Variants in CSMD1 observed in about 807,000 individuals in gnomAD.
CSMD1 encodes the protein CUB and Sushi multiple domains 1, also known as CUB and sushi domain-containing protein 1.
In CSMD1, 213 loss-of-function variants were observed where a neutral mutation model predicts 417.5. The ratio of observed to expected loss-of-function variants is 0.51; its 90% CI spans 0.46 to 0.57. CSMD1 has a LOEUF of 0.57. CSMD1 is among the 20% of genes least tolerant of loss of function. CSMD1 has a pLI of 0.00. For missense variants in CSMD1, 6,923 were observed against 4,529.7 expected, an observed-to-expected ratio of 1.53 and a Z score of -15.17; for synonymous variants, 2,862 against 1,736.8, an observed-to-expected ratio of 1.65 and a Z score of -16.11.
chr8:4,986,402 G>A (rs13269289), intron 1 of CSMD1, among the ~76,000 whole-genome samples: 33,453 of 152,004 alleles, frequency 0.22, 4,666 homozygotes, highest in Non-Finnish European at 0.32. Context: ...TAAAAAAGAA[G>A]AGGAGGAAAA....
intron 3 of CSMD1, among the ~76,000 whole-genome samples, chr8:4,264,385 C>A (rs1050729425): frequency 1.3e-5 from 2 of 152,134 alleles, no homozygotes; most frequent in Non-Finnish European, 2.9e-5. Flanking sequence ...GAAGATAATA[C>A]AAGAAACATC....
chr8:4,047,330 A>T (rs755026404), intron 3 of CSMD1, among the ~76,000 whole-genome samples: 3 of 152,160 alleles, frequency 2.0e-5, no homozygotes, highest in Non-Finnish European at 2.9e-5. Flanking sequence ...AAACAAAATG[A>T]TCTTCTACCC....
intron 2 of CSMD1, among the ~76,000 whole-genome samples, chr8:4,569,147 A>T (rs907404532): frequency 3.9e-5 from 6 of 152,128 alleles, no homozygotes; most frequent in African/African-American, 1.4e-4. Flanking sequence ...CTTTATTTCA[A>T]TTAGATTCCA....
At chr8:3,803,756 T>G (rs76292220) in intron 5 of CSMD1, among the ~76,000 whole-genome samples, 4,666 of 152,218 alleles carry the variant, frequency 0.031, 179 homozygotes, top group African/African-American at 0.085. Flanking sequence ...TTGATTAGGG[T>G]CCTGAAGTAA....
chr8:3,855,756 C>G (rs914240838), intron 5 of CSMD1, among the ~76,000 whole-genome samples: 3 of 152,130 alleles, frequency 2.0e-5, no homozygotes, highest in Non-Finnish European at 4.4e-5. Flanking sequence ...ATGTGAAATC[C>G]TAGAGTCTGC....
At chr8:3,761,166 T>C (rs987560652) in intron 5 of CSMD1, among the ~76,000 whole-genome samples, 2 of 152,280 alleles carry the variant, frequency 1.3e-5, no homozygotes, top group South Asian at 4.1e-4. Context: ...CTGTTCCAAG[T>C]CTTATTTTGG....
chr8:4,666,291 G>C (rs991972686), intron 1 of CSMD1, among the ~76,000 whole-genome samples: 2 of 152,184 alleles, frequency 1.3e-5, no homozygotes, highest in African/African-American at 4.8e-5. Flanking sequence ...CCTTAGAATA[G>C]AAAGATGATT....
intron 3 of CSMD1, among the ~76,000 whole-genome samples, chr8:4,327,743 A>G (rs1022776417): frequency 6.6e-6 from 1 of 152,344 alleles, no homozygotes; most frequent in African/African-American, 2.4e-5. Context: ...ACTGTCCGAA[A>G]ACATTGTTAC....
rs1811935142 is a variant in CSMD1, at chr8:3,052,644, A to C, written c.7478T>G (p.Val2493Gly). The C allele has an allele frequency of 6.3e-7, 1 of 1,594,334 alleles. No individual in the cohort carries two copies. Among genetic ancestry groups the C allele is most frequent in the African/African-American group, 1.3e-5 (1 of 74,146 alleles). ...WDSLTPLCQAVSCGIPESPGN... is the reference protein window; with the variant it reads ...WDSLTPLCQAGSCGIPESPGN... ...TGGGGATTCTGGGATTCCACAGGACACAGCTGAAAAGAAATGAAACAAATG... is the reference window on the plus strand; with the variant it reads ...TGGGGATTCTGGGATTCCACAGGACCCAGCTGAAAAGAAATGAAACAAATG... The change falls in exon 50 of 70, where the codon GTG becomes GGG. Residue 2493 changes from valine to glycine, a missense_variant. By Grantham distance (109) the Val-to-Gly change is moderately radical. Transcript: ENST00000635120.
At chr8:3,596,833 A>C (rs1801117880) in intron 8 of CSMD1, among the ~76,000 whole-genome samples, 1 of 152,200 alleles carries the variant, frequency 6.6e-6, no homozygotes, top group Non-Finnish European at 1.5e-5. Context: ...CATGAGATCC[A>C]AAAGCATGTT....
At chr8:3,921,654 G>A (rs1027397658) in intron 5 of CSMD1, among the ~76,000 whole-genome samples, 3 of 151,684 alleles carry the variant, frequency 2.0e-5, no homozygotes, top group African/African-American at 7.3e-5. Context: ...CCCATTAGTT[G>A]TTCAGGCGTA....
In CSMD1 at chr8:3,783,257, G is replaced by A. The variant is rs191783960; in HGVS notation, c.819-29215C>T. 2.0e-4 allele frequency among the ~76,000 whole-genome samples: 31 copies of A among 152,312 alleles called. No homozygotes were observed. The East Asian group carries it at 5.4e-3, about 27-fold the overall frequency. Reference sequence around the variant, plus strand: ...GGCCGATACTGTGTAGGTGCTCCCGGAAAAACTGGTTTTTTGCAAAACTCA... The same window carrying A: ...GGCCGATACTGTGTAGGTGCTCCCGAAAAAACTGGTTTTTTGCAAAACTCA... On this transcript the variant is annotated intron_variant, in intron 5 of 69. Coordinates refer to ENST00000635120, the MANE Select transcript of CSMD1 (RefSeq NM_033225.6).
chr8:4,687,915 T>C (rs1408774737), intron 1 of CSMD1, among the ~76,000 whole-genome samples: 2 of 152,174 alleles, frequency 1.3e-5, no homozygotes, highest in African/African-American at 2.4e-5. Flanking sequence ...ACATGTCATA[T>C]GTGAATTGTG....
intron 4 of CSMD1, among the ~76,000 whole-genome samples, chr8:4,031,302 C>T (rs548380889): frequency 5.9e-5 from 9 of 152,270 alleles, no homozygotes; most frequent in South Asian, 2.1e-4. Context: ...ATAGACTTAC[C>T]GTCCCAAGTG....
At chr8:3,209,689 C>G (rs1287860090) in intron 30 of CSMD1, among the ~76,000 whole-genome samples, 3 of 152,022 alleles carry the variant, frequency 2.0e-5, no homozygotes, top group African/African-American at 7.3e-5. Flanking sequence ...TGCTTCTCAC[C>G]TTAGAAGTTA....
intron 3 of CSMD1, among the ~76,000 whole-genome samples, chr8:4,362,727 C>G (rs528652353): frequency 4.3e-4 from 65 of 152,242 alleles, no homozygotes; most frequent in African/African-American, 1.4e-3. Context: ...ACTTTCTTTA[C>G]ATTGTTGTGT....
At chr8:3,999,301 G>C (rs1462562159) in intron 4 of CSMD1, among the ~76,000 whole-genome samples, 1 of 152,136 alleles carries the variant, frequency 6.6e-6, no homozygotes, top group South Asian at 2.1e-4. Context: ...CAGAGGTTGT[G>C]TGACCGGCCT....
chr8:4,524,529 G>C (rs1019272741), intron 2 of CSMD1, among the ~76,000 whole-genome samples: 2 of 148,868 alleles, frequency 1.3e-5, no homozygotes, highest in African/African-American at 4.9e-5. Flanking sequence ...AGCAGGGTAT[G>C]AACCCTGCAT....
In CSMD1 at chr8:3,864,351, A is replaced by T. The variant is rs1418353867; in HGVS notation, c.819-110309T>A. ...TGGTTATGAAAGACGATGCATAGAT[A>T]ACCACAGAAGGGGCAGGTATATACA... On this transcript the variant is annotated intron_variant, in intron 5 of 69. Coordinates refer to ENST00000635120, the MANE Select transcript of CSMD1 (RefSeq NM_033225.6). Among the ~76,000 whole-genome samples the T allele has an allele frequency of 6.1e-5, 7 of 115,366 alleles. 1 individual carries two copies. The highest frequency in any genetic ancestry group is 1.6e-4 in the Admixed American group (2 of 12,702). The allele number at this position is 115,366 out of a possible 152,430, so 75.7% of individuals were successfully genotyped here. A position where few individuals can be genotyped will look rare whatever the true frequency, so the allele number is the denominator to read the frequency against.
Sources: allele counts gnomAD v4.1 joint callset (sites outside exome capture counted in the v4.1 genomes callset), GRCh38; gene constraint gnomAD v4.1.1; transcripts MANE v1.5; gene names NCBI Gene and HGNC (gene_info 2026-07-23, HGNC 2026-07-21).